Variants in ZNF516 observed in about 807,000 individuals in gnomAD.
The protein encoded by ZNF516 is zinc finger protein 516.
ZNF516 carries 19 observed loss-of-function variants against 79.7 expected under a neutral mutation model. The ratio of observed to expected loss-of-function variants is 0.24; its 90% CI spans 0.17 to 0.35. ZNF516 has a LOEUF of 0.35. ZNF516 is among the 10% of genes least tolerant of loss of function. The pLI is 1.00. For synonymous variants in ZNF516, 877 were observed against 739.5 expected, an observed-to-expected ratio of 1.19 and a Z score of -3.02; for missense variants, 1,678 against 1,679.5, an observed-to-expected ratio of 1.00 and a Z score of 0.02.
chr18:76,444,948 G>A (rs1911951675), intron 2 of ZNF516, among the ~76,000 whole-genome samples: 1 of 152,176 alleles, frequency 6.6e-6, no homozygotes, highest in Non-Finnish European at 1.5e-5. Context: ...AGGCGCCTAA[G>A]GAAACACGAG....
intron 2 of ZNF516, among the ~76,000 whole-genome samples, chr18:76,458,443 G>A (rs1400257572): frequency 3.3e-5 from 5 of 152,160 alleles, no homozygotes; most frequent in Admixed American, 6.5e-5. Flanking sequence ...ATACTCTTGC[G>A]CTTCTCTCCC....
At chr18:76,463,959 G>A (rs745506971) in intron 1 of ZNF516, among the ~76,000 whole-genome samples, 11 of 152,114 alleles carry the variant, frequency 7.2e-5, no homozygotes, top group Non-Finnish European at 1.3e-4. Flanking sequence ...AAGATCCACC[G>A]AAACAAGATC....
intron 1 of ZNF516, among the ~76,000 whole-genome samples, 199 bp downstream of exon 1, chr18:76,494,945 C>T (rs1273278178): frequency 1.3e-5 from 2 of 149,976 alleles, no homozygotes; most frequent in Admixed American, 6.6e-5. Flanking sequence ...ACGAGCAGAG[C>T]AACTACCCAC....
rs552383632 is a variant in ZNF516, at chr18:76,483,926, C to T, written c.-272+11218G>A. Among the ~76,000 whole-genome samples, 5 of 152,270 alleles carry T rather than the reference C, an allele frequency of 3.3e-5. No homozygotes were observed. The South Asian group carries it at 1.0e-3, about 32-fold the overall frequency. Reference sequence around the variant, plus strand: ...CAGACAGCAACAACTGGTCCAGTGCCCAACTCGCACGACATCCCCGTGGAA... The same window carrying T: ...CAGACAGCAACAACTGGTCCAGTGCTCAACTCGCACGACATCCCCGTGGAA... On this transcript the variant is annotated intron_variant, in intron 1 of 6. Coordinates refer to ENST00000443185, the MANE Select transcript of ZNF516 (RefSeq NM_014643.4).
chr18:76,403,481 G>A (rs150233892), intron 3 of ZNF516, among the ~76,000 whole-genome samples: 190 of 152,230 alleles, frequency 1.2e-3, no homozygotes, highest in Non-Finnish European at 2.1e-3. Flanking sequence ...ACACGCATTC[G>A]CACAACTCAC....
chr18:76,457,114 T>G (rs1273319746), intron 2 of ZNF516, among the ~76,000 whole-genome samples: 1 of 152,210 alleles, frequency 6.6e-6, no homozygotes, highest in African/African-American at 2.4e-5. Flanking sequence ...AAAAAGACAT[T>G]CCCTTTTAAG....
intron 3 of ZNF516, among the ~76,000 whole-genome samples, chr18:76,438,265 TTTTG>T (rs2075770388): frequency 6.6e-6 from 1 of 152,222 alleles, no homozygotes; most frequent in Non-Finnish European, 1.5e-5. Flanking sequence ...CAGAATTCTA[TTTTG>T]GCCCATACAC....
At chr18:76,423,916 CT>C (rs2075549779) in intron 3 of ZNF516, among the ~76,000 whole-genome samples, 179 of 93,438 alleles carry the variant, frequency 1.9e-3, no homozygotes, top group South Asian at 3.5e-3. Context: ...AAAAGGCTCC[CT>C]CCTGAAACAC....
intron 1 of ZNF516, among the ~76,000 whole-genome samples, chr18:76,478,700 A>G (rs1450819725): frequency 6.6e-6 from 1 of 152,222 alleles, no homozygotes; most frequent in African/African-American, 2.4e-5. Context: ...CACTTTCAGT[A>G]CACTCTCAGT....
At chr18:76,368,578 C>T (rs1477619521) in intron 6 of ZNF516, among the ~76,000 whole-genome samples, 1 of 151,796 alleles carries the variant, frequency 6.6e-6, no homozygotes, top group Non-Finnish European at 1.5e-5. Flanking sequence ...GTCTGAAAGC[C>T]ACATTCACTC....
rs373540251 is a variant in ZNF516, at chr18:76,360,646, A to AAAAAAAAAAAAT, written c.*1851_*1852insATTTTTTTTTTT. The AAAAAAAAAAAAT allele has an allele frequency of 2.8e-5, 2 of 72,460 alleles. No individual in the cohort carries two copies. Among genetic ancestry groups the AAAAAAAAAAAAT allele is most frequent in the Non-Finnish European group, 2.7e-5 (1 of 36,924 alleles). 4.5% of individuals were successfully genotyped at this position (72,460 alleles called of 1,614,324 possible). A position where few individuals can be genotyped will look rare whatever the true frequency, so the allele number is the denominator to read the frequency against. On this transcript the variant is annotated 3_prime_UTR_variant, in exon 7 of 7. Coordinates refer to ENST00000443185, the MANE Select transcript of ZNF516 (RefSeq NM_014643.4). ...AAAAAAATAAGTAAAAAAAAAAAAA[A>AAAAAAAAAAAAT]ATATATATATATATATATATATATA...
At chr18:76,413,886 T>A (rs1389298898) in intron 3 of ZNF516, among the ~76,000 whole-genome samples, 1 of 152,254 alleles carries the variant, frequency 6.6e-6, no homozygotes, top group East Asian at 1.9e-4. Flanking sequence ...CTAGTGAACA[T>A]CTGCTTATTT....
Position 76,448,913 on chromosome 18 carries a change from C to T in ZNF516, c.-157-5702G>A, listed in dbSNP as rs762120579. On this transcript the variant is annotated intron_variant, in intron 2 of 6. Transcript: ENST00000443185. ...AGTTTCCAGAAGGCCAGGAGGGAAGCGATTCACTATATTTGCAAGGATTGG... is the reference window on the plus strand; with the variant it reads ...AGTTTCCAGAAGGCCAGGAGGGAAGTGATTCACTATATTTGCAAGGATTGG... Among the ~76,000 whole-genome samples, 4 of 152,146 alleles carry T rather than the reference C, an allele frequency of 2.6e-5. No individual in the cohort carries two copies. In the East Asian group the frequency reaches 5.8e-4, roughly 22 times the overall value.
chr18:76,387,364 G>A (rs2075009522), intron 3 of ZNF516: 2 of 152,358 alleles, frequency 1.3e-5, no homozygotes, highest in South Asian at 4.1e-4. Flanking sequence ...TTGCAGGAGT[G>A]AAGGCACCGA....
At chr18:76,491,016 C>T (rs912697097) in intron 1 of ZNF516, 22 of 985,354 alleles carry the variant, frequency 2.2e-5, no homozygotes, top group African/African-American at 5.2e-5. Context: ...GGGTGCCCAC[C>T]GCCAACTCCC....
intron 1 of ZNF516, among the ~76,000 whole-genome samples, chr18:76,469,178 G>C (rs1913678180): frequency 6.6e-6 from 1 of 152,164 alleles, no homozygotes; most frequent in African/African-American, 2.4e-5. Context: ...CCCTTTACTG[G>C]AAGAAAGTTT....
intron 3 of ZNF516, chr18:76,385,544 C>G (rs75082870): frequency 6.6e-6 from 1 of 152,262 alleles, no homozygotes; most frequent in African/African-American, 2.4e-5. Context: ...TCCGCGCTTA[C>G]GGCTGCTCTG....
chr18:76,376,573 A>G (rs2074790465), intron 4 of ZNF516, among the ~76,000 whole-genome samples: 1 of 151,328 alleles, frequency 6.6e-6, no homozygotes, highest in South Asian at 2.1e-4. Flanking sequence ...TTTATTTTTT[A>G]AAATGTCTGT....
intron 6 of ZNF516, among the ~76,000 whole-genome samples, chr18:76,369,515 A>G (rs534981889): frequency 6.6e-6 from 1 of 152,348 alleles, no homozygotes; most frequent in South Asian, 2.1e-4. Flanking sequence ...TCCTTGGTGA[A>G]GCCATTTCAT....
Sources: allele counts gnomAD v4.1 joint callset (sites outside exome capture counted in the v4.1 genomes callset), GRCh38; gene constraint gnomAD v4.1.1; transcripts MANE v1.5; gene names NCBI Gene and HGNC (gene_info 2026-07-23, HGNC 2026-07-21).